KCNMA1: variants seen among roughly 807,000 people sequenced by gnomAD.
The protein encoded by KCNMA1 is potassium calcium-activated channel subfamily M alpha 1.
A neutral mutation model predicts 140.0 loss-of-function variants in KCNMA1; 29 were observed. The observed-to-expected ratio is 0.21, with a 90% CI of 0.15 to 0.28. KCNMA1 has a LOEUF of 0.28. Among genes scored for constraint, KCNMA1 ranks in the 10% least tolerant of loss-of-function variants. KCNMA1 has a pLI of 1.00. For synonymous variants in KCNMA1, 612 were observed against 611.9 expected, an observed-to-expected ratio of 1.00 and a Z score of 0.00; for missense variants, 880 against 1,602.2, an observed-to-expected ratio of 0.55 and a Z score of 7.70.
intron 3 of KCNMA1, among the ~76,000 whole-genome samples, chr10:77,196,523 A>G (rs2040552855): frequency 6.6e-6 from 1 of 152,220 alleles, no homozygotes; most frequent in African/African-American, 2.4e-5. Flanking sequence ...TACCAAAAGA[A>G]CATGTTATGA....
chr10:76,883,627 C>G (rs1429630531), downstream of KCNMA1, among the ~76,000 whole-genome samples: 2 of 151,966 alleles, frequency 1.3e-5, no homozygotes, highest in South Asian at 2.1e-4. Context: ...CAAATTTCTT[C>G]TCTTCTAGAA....
chr10:77,005,829 G>T (rs1229639928), intron 18 of KCNMA1, among the ~76,000 whole-genome samples: 1 of 152,124 alleles, frequency 6.6e-6, no homozygotes, highest in Admixed American at 6.5e-5. Context: ...TTCCCTAATG[G>T]ACATCATCAA....
intron 3 of KCNMA1, among the ~76,000 whole-genome samples, chr10:77,242,142 T>A (rs1372817806): frequency 6.6e-6 from 1 of 152,154 alleles, no homozygotes; most frequent in Non-Finnish European, 1.5e-5. Flanking sequence ...CACACTGACC[T>A]CAGTTTCAAA....
chr10:77,378,102 T>C (rs1364421921), intron 2 of KCNMA1, among the ~76,000 whole-genome samples: 1 of 152,126 alleles, frequency 6.6e-6, no homozygotes, highest in Non-Finnish European at 1.5e-5. Context: ...GAGTAAGCCA[T>C]AGTTCTGAAA....
At chr10:76,956,230 G>A (rs1413230118) in intron 20 of KCNMA1, among the ~76,000 whole-genome samples, 1 of 152,008 alleles carries the variant, frequency 6.6e-6, no homozygotes. Context: ...ATGATCGATC[G>A]CCCTTCAATA....
intron 1 of KCNMA1, among the ~76,000 whole-genome samples, chr10:77,450,180 C>T (rs149901094): frequency 0.016 from 2,427 of 152,128 alleles, 69 homozygotes; most frequent in African/African-American, 0.055. Flanking sequence ...TTCAGTCTCC[C>T]GAGTAGCTGG....
rs577176749 is a variant in KCNMA1, at chr10:77,202,855, A to G, written c.603-17939T>C. ...AATGAGGCAATAAGGATGGATCCTTAGAATGCCAAAGACTTTGCAAGGAAC... is the reference window on the plus strand; with the variant it reads ...AATGAGGCAATAAGGATGGATCCTTGGAATGCCAAAGACTTTGCAAGGAAC... On this transcript the variant is annotated intron_variant, in intron 3 of 27. Coordinates refer to ENST00000286628, the MANE Select transcript of KCNMA1 (RefSeq NM_001161352.2). Among the ~76,000 whole-genome samples, 8 of 152,362 alleles carry G rather than the reference A, an allele frequency of 5.3e-5. No homozygotes were observed. The East Asian group carries it at 1.5e-3, about 29-fold the overall frequency.
At chr10:77,369,977 T>C (rs1317815926) in intron 2 of KCNMA1, among the ~76,000 whole-genome samples, 4 of 152,218 alleles carry the variant, frequency 2.6e-5, no homozygotes, top group African/African-American at 7.2e-5. Context: ...AGGTTTTCTA[T>C]GTCTTTTTCT....
intron 1 of KCNMA1, among the ~76,000 whole-genome samples, chr10:77,552,682 CTT>C (rs1407214642): frequency 2.6e-5 from 4 of 152,282 alleles, no homozygotes; most frequent in Admixed American, 6.5e-5. Context: ...ATCTTCTTTT[CTT>C]GTGAACACCC....
intron 1 of KCNMA1, among the ~76,000 whole-genome samples, chr10:77,581,496 G>A (rs1400200667): frequency 9.2e-5 from 14 of 152,108 alleles, no homozygotes; most frequent in Non-Finnish European, 5.9e-5. Context: ...TAGTAGAGAT[G>A]GGGTTTCACC....
intron 2 of KCNMA1, chr10:77,315,653 C>T (rs1023076564): frequency 2.0e-5 from 3 of 152,178 alleles, no homozygotes; most frequent in South Asian, 4.1e-4. Flanking sequence ...GTTCATATGA[C>T]ATGGTTCATT....
chr10:77,512,392 A>G (rs972189134), intron 1 of KCNMA1, among the ~76,000 whole-genome samples: 4 of 152,166 alleles, frequency 2.6e-5, no homozygotes, highest in African/African-American at 9.7e-5. Context: ...CATGACTTTT[A>G]TTACAGTATA....
chr10:77,111,669 C>T (rs977160676), intron 7 of KCNMA1, among the ~76,000 whole-genome samples: 4 of 152,140 alleles, frequency 2.6e-5, no homozygotes, highest in African/African-American at 9.7e-5. Flanking sequence ...GGTAGCTAAG[C>T]GCGTCCTTCT....
intron 2 of KCNMA1, among the ~76,000 whole-genome samples, chr10:77,268,673 A>G (rs2064104838): frequency 6.6e-6 from 1 of 152,118 alleles, no homozygotes; most frequent in African/African-American, 2.4e-5. Context: ...CTGATCCCAT[A>G]CTGAACTCTA....
chr10:77,449,682 G>T (rs536527846), intron 1 of KCNMA1, among the ~76,000 whole-genome samples: 14 of 127,010 alleles, frequency 1.1e-4, no homozygotes, highest in African/African-American at 4.3e-4. Context: ...TCACTTTGTC[G>T]CCCAGGCTGG....
intron 15 of KCNMA1, among the ~76,000 whole-genome samples, chr10:77,036,737 T>C (rs1200256946): frequency 1.3e-5 from 2 of 152,220 alleles, no homozygotes; most frequent in African/African-American, 2.4e-5. Flanking sequence ...TATACAACAC[T>C]ACACTCTAAT....
chr10:77,256,854 T>C (rs1344311086), intron 2 of KCNMA1, among the ~76,000 whole-genome samples: 1 of 151,932 alleles, frequency 6.6e-6, no homozygotes, highest in Non-Finnish European at 1.5e-5. Flanking sequence ...TATTAAAAAA[T>C]ACACTTTGGG....
intron 23 of KCNMA1, among the ~76,000 whole-genome samples, chr10:76,931,120 C>T (rs780847440): frequency 2.0e-5 from 3 of 151,886 alleles, no homozygotes; most frequent in Non-Finnish European, 2.9e-5. Flanking sequence ...TTGAAGTTTG[C>T]AAAAAGAATA....
chr10:77,351,019 A>G lies in KCNMA1; in HGVS notation c.540+52843T>C, dbSNP rs577080265. 1.4e-4 allele frequency among the ~76,000 whole-genome samples: 21 copies of G among 152,354 alleles called. No individual in the cohort carries two copies. The South Asian group carries it at 3.9e-3, about 29-fold the overall frequency. ...TATGTTGGAGTCTAGCCAAGATGTC[A>G]TTTGAACAAAGATTCTGAAAGATCA... is the stretch of plus-strand genomic sequence containing the variant. On this transcript the variant is annotated intron_variant, in intron 2 of 27. Coordinates refer to ENST00000286628, the MANE Select transcript of KCNMA1 (RefSeq NM_001161352.2).
Sources: gnomAD v4.1 joint callset for allele counts (sites outside exome capture counted in the v4.1 genomes callset) on GRCh38, gnomAD v4.1.1 for gene constraint, MANE v1.5 for transcripts, NCBI Gene and HGNC (gene_info 2026-07-23, HGNC 2026-07-21) for gene names.